IL15: variants seen among roughly 807,000 people sequenced by gnomAD.
The protein encoded by IL15 is interleukin 15.
In IL15, 11 loss-of-function variants were observed where a neutral mutation model predicts 19.6. The observed-to-expected ratio is 0.56, with a 90% CI of 0.35 to 0.93. The LOEUF is 0.93. Ranked by LOEUF, IL15 falls within the 40% of genes least tolerant of loss-of-function variation. The pLI is 0.01. For synonymous variants in IL15, 58 were observed against 59.6 expected (o/e 0.97, Z 0.12); for missense variants, 197 against 186.5 (o/e 1.06, Z -0.33).
At chr4:141,708,499 C>T (rs1223353882) in intron 2 of IL15, among the ~76,000 whole-genome samples, 2 of 152,114 alleles carry the variant, frequency 1.3e-5, no homozygotes, top group African/African-American at 4.8e-5. Context: ...TCTGGCTAAT[C>T]TCCAAACTGG....
chr4:141,726,390 C>T (rs755204123), intron 5 of IL15, among the ~76,000 whole-genome samples: 9 of 151,744 alleles, frequency 5.9e-5, no homozygotes, highest in African/African-American at 2.4e-5. Context: ...CAGCTATAAG[C>T]GTATACAGAA....
At chr4:141,658,318 AT>A (rs756452538) in intron 2 of IL15, among the ~76,000 whole-genome samples, 2 of 152,038 alleles carry the variant, frequency 1.3e-5, no homozygotes, top group Non-Finnish European at 2.9e-5. Flanking sequence ...TCAATTAAAC[AT>A]TTTTTTCTTT....
At chr4:141,646,228 C>G (rs1397018127) in intron 1 of IL15, among the ~76,000 whole-genome samples, 1 of 151,956 alleles carries the variant, frequency 6.6e-6, no homozygotes, top group Non-Finnish European at 1.5e-5. Flanking sequence ...CATGGTTCTC[C>G]CATCTCACTC....
intron 2 of IL15, among the ~76,000 whole-genome samples, chr4:141,696,548 C>G (rs1729101903): frequency 6.6e-6 from 1 of 152,062 alleles, no homozygotes; most frequent in African/African-American, 2.4e-5. Context: ...ATGAATTCTT[C>G]TACTTCATGA....
chr4:141,707,505 T>C (rs2152184477), intron 2 of IL15, among the ~76,000 whole-genome samples: 1 of 152,324 alleles, frequency 6.6e-6, no homozygotes, highest in East Asian at 1.9e-4. Context: ...GTTCATATAG[T>C]AGAATAGTTT....
In IL15 at chr4:141,660,695, A is replaced by C. The variant is rs184030678; in HGVS notation, c.-100+4388A>C. Among the ~76,000 whole-genome samples the C allele has an allele frequency of 2.0e-4, 30 of 152,290 alleles. No individual in the cohort carries two copies. The East Asian group carries it at 4.8e-3, about 24-fold the overall frequency. On this transcript the variant is annotated intron_variant, in intron 2 of 7. Coordinates refer to ENST00000320650, the MANE Select transcript of IL15 (RefSeq NM_000585.5). ...CATTACATAAGTAAACATTATTTTAATGTGTATATAATACTCTAAAGTAGG... is the reference window on the plus strand; with the variant it reads ...CATTACATAAGTAAACATTATTTTACTGTGTATATAATACTCTAAAGTAGG...
At chr4:141,671,664 C>T (rs1728181228) in intron 2 of IL15, among the ~76,000 whole-genome samples, 2 of 152,158 alleles carry the variant, frequency 1.3e-5, no homozygotes, top group South Asian at 4.1e-4. Context: ...TCTTACATGA[C>T]AGCAGAAACA....
intron 2 of IL15, chr4:141,718,012 CT>C (rs1419813015): frequency 3.3e-5 from 5 of 152,150 alleles, no homozygotes; most frequent in African/African-American, 1.2e-4. Flanking sequence ...TTGTTAGATA[CT>C]TTTGAGGACA....
chr4:141,698,843 T>A (rs1367121539), intron 2 of IL15, among the ~76,000 whole-genome samples: 1 of 152,094 alleles, frequency 6.6e-6, no homozygotes, highest in East Asian at 1.9e-4. Flanking sequence ...TCTGCTCGGA[T>A]CTTTGTTATT....
intron 2 of IL15, among the ~76,000 whole-genome samples, chr4:141,688,373 A>AATT (rs747260047): frequency 1.3e-5 from 2 of 152,230 alleles, no homozygotes; most frequent in Non-Finnish European, 2.9e-5. Flanking sequence ...GTTAAATAAC[A>AATT]GCTTCTCTGG....
intron 5 of IL15, 149 bp from the exon 6 acceptor site, chr4:141,727,791 T>G (rs1409666338): frequency 1.7e-6 from 1 of 585,766 alleles, no homozygotes; most frequent in African/African-American, 2.0e-5. Flanking sequence ...AGGATCTCTC[T>G]GTATTTACTC....
At chr4:141,655,570 T>G (rs1383387397) in intron 1 of IL15, among the ~76,000 whole-genome samples, 2 of 152,190 alleles carry the variant, frequency 1.3e-5, no homozygotes, top group African/African-American at 4.8e-5. Context: ...CTACTTTACT[T>G]TTTTAAATGG....
chr4:141,682,076 C>T (rs1317045579), intron 2 of IL15, among the ~76,000 whole-genome samples: 1 of 152,166 alleles, frequency 6.6e-6, no homozygotes, highest in African/African-American at 2.4e-5. Flanking sequence ...CTAGTATACT[C>T]TACTGTAGAG....
chr4:141,708,529 C>T (rs1029276501), intron 2 of IL15, among the ~76,000 whole-genome samples: 1 of 152,090 alleles, frequency 6.6e-6, no homozygotes, highest in African/African-American at 2.4e-5. Context: ...CTATAAGGAC[C>T]AGGAGACTCT....
At chr4:141,703,840 C>A (rs976384674) in intron 2 of IL15, among the ~76,000 whole-genome samples, 31 of 150,996 alleles carry the variant, frequency 2.1e-4, no homozygotes, top group Middle Eastern at 6.9e-3. Flanking sequence ...TAAATAGGAT[C>A]CCTTTTTGAT....
chr4:141,713,251 C>T (rs1434996288), intron 2 of IL15, among the ~76,000 whole-genome samples: 3 of 152,182 alleles, frequency 2.0e-5, no homozygotes, highest in Non-Finnish European at 2.9e-5. Context: ...ATCACTTTCT[C>T]AGCTGTACTT....
intron 2 of IL15, among the ~76,000 whole-genome samples, chr4:141,682,441 A>C (rs1456182311): frequency 2.0e-5 from 3 of 152,236 alleles, no homozygotes; most frequent in Non-Finnish European, 4.4e-5. Flanking sequence ...AATTATTTAA[A>C]GAATAAAGTA....
chr4:141,710,461 C>A (rs918508395), intron 2 of IL15, among the ~76,000 whole-genome samples: 33 of 151,928 alleles, frequency 2.2e-4, no homozygotes, highest in Admixed American at 2.0e-4. Context: ...CATTTCGTAT[C>A]ATTTTATTTT....
At chr4:141,687,772 A>T (rs1227277265) in intron 2 of IL15, among the ~76,000 whole-genome samples, 3 of 152,198 alleles carry the variant, frequency 2.0e-5, no homozygotes, top group Non-Finnish European at 2.9e-5. Context: ...ACAGGACAGA[A>T]TTCTAAATAA....
Sources: allele counts gnomAD v4.1 joint callset (sites outside exome capture counted in the v4.1 genomes callset), GRCh38; gene constraint gnomAD v4.1.1; transcripts MANE v1.5; gene names NCBI Gene and HGNC (gene_info 2026-07-23, HGNC 2026-07-21).